The following SDK1 variants were observed in gnomAD, a reference collection of about 807,000 sequenced individuals.
The protein encoded by SDK1 is protein sidekick-1.
Under a neutral mutation model 245.5 loss-of-function variants are expected in SDK1, and 157 were observed. That is an observed-to-expected ratio of 0.64 (90% CI 0.56 to 0.73). The LOEUF (loss-of-function observed/expected upper bound fraction) is 0.73. SDK1 is among the 30% of genes least tolerant of loss of function. The probability of loss-of-function intolerance (pLI) is 0.00; values close to 1 mark genes in which losing one functional copy is unlikely to be tolerated. For missense variants in SDK1, 3,583 were observed against 3,002.3 expected, an observed-to-expected ratio of 1.19 and a Z score of -4.52; for synonymous variants, 1,647 against 1,278.5, an observed-to-expected ratio of 1.29 and a Z score of -6.15.
rs138041159 is a variant in SDK1 at position 3,712,417 on chromosome 7, C to T, written c.713+70312C>T. Among the ~76,000 whole-genome samples the T allele has an allele frequency of 3.2e-4, 48 of 152,236 alleles. 1 individual carries two copies. In the East Asian group the frequency reaches 7.5e-3, roughly 24 times the overall value. On this transcript the variant is annotated intron_variant, in intron 4 of 44. Coordinates refer to ENST00000404826, the MANE Select transcript of SDK1 (RefSeq NM_152744.4). ...AAGTTCAGAGCTTCCACTGATTCTG[C>T]GTTATGGTGAGTTGTATAACGATTT...
At chr7:4,130,139 C>A in intron 27 of SDK1, 42 bp downstream of exon 27, 1 of 1,515,000 alleles carries the variant, frequency 6.6e-7, no homozygotes, top group Non-Finnish European at 8.9e-7. Flanking sequence ...TGCTGCCTCC[C>A]AGGTTGGCCT....
chr7:4,219,447 A>G (rs188121063), intron 38 of SDK1, among the ~76,000 whole-genome samples: 3 of 152,354 alleles, frequency 2.0e-5, no homozygotes, highest in African/African-American at 7.2e-5. Flanking sequence ...AGGAGAAGCA[A>G]AGTCACATCT....
intron 4 of SDK1, among the ~76,000 whole-genome samples, chr7:3,710,784 G>A (rs1785027358): frequency 6.6e-6 from 1 of 152,176 alleles, no homozygotes; most frequent in African/African-American, 2.4e-5. Flanking sequence ...TGTATGTCTT[G>A]GAAAATTCCT....
At chr7:3,906,934 T>G (rs188836916) in intron 5 of SDK1, among the ~76,000 whole-genome samples, 1 of 152,250 alleles carries the variant, frequency 6.6e-6, no homozygotes, top group Admixed American at 6.5e-5. Context: ...CCTGCCTCTG[T>G]GTCTTTTTTG....
chr7:3,327,172 G>C (rs572584209), intron 1 of SDK1, among the ~76,000 whole-genome samples: 57 of 152,260 alleles, frequency 3.7e-4, no homozygotes, highest in African/African-American at 1.3e-3. Context: ...TTCCAGAAGA[G>C]AGTGACCAGC....
intron 43 of SDK1, 106 bp from the exon 44 acceptor site, chr7:4,245,570 T>C (rs1316976057): frequency 7.4e-7 from 1 of 1,344,294 alleles, no homozygotes; most frequent in African/African-American, 1.5e-5. Flanking sequence ...AGGCTGTGGG[T>C]TTCCTCTTAG....
intron 1 of SDK1, among the ~76,000 whole-genome samples, chr7:3,311,897 A>G (rs1006415094): frequency 2.0e-5 from 3 of 152,168 alleles, no homozygotes; most frequent in Non-Finnish European, 4.4e-5. Context: ...ATCTGAATAC[A>G]CGCCCCAATG....
chr7:3,962,774 A>G lies in SDK1; in HGVS notation c.1352A>G (p.Glu451Gly). The G allele has an allele frequency of 1.2e-6, 2 of 1,613,744 alleles. No individual in the cohort carries two copies. Among genetic ancestry groups the G allele is most frequent in the Non-Finnish European group, 1.7e-6 (2 of 1,179,868 alleles). The change falls in exon 9 of 45, where the codon GAG (glutamate) becomes GGG (glycine). Residue 451 changes from glutamate to glycine, a missense_variant. Coordinates refer to ENST00000404826, the MANE Select transcript of SDK1 (RefSeq NM_152744.4). The part of the protein sequence containing the change: ...GGLRIQKLRP[E>G]DSGIFQCFAS... Reference sequence around the variant, plus strand: ...CTGCGCATCCAGAAGCTGCGTCCAGAGGACTCCGGAATCTTCCAGTGCTTC... The same window carrying G: ...CTGCGCATCCAGAAGCTGCGTCCAGGGGACTCCGGAATCTTCCAGTGCTTC...
intron 4 of SDK1, among the ~76,000 whole-genome samples, chr7:3,768,609 A>T (rs1423813209): frequency 6.6e-6 from 1 of 152,230 alleles, no homozygotes; most frequent in Non-Finnish European, 1.5e-5. Context: ...CAGTGCCACC[A>T]GCTGACTGGA....
intron 2 of SDK1, among the ~76,000 whole-genome samples, chr7:3,623,245 CTTTTTTTT>C (rs1183056855): frequency 1.7e-5 from 2 of 117,964 alleles, no homozygotes; most frequent in African/African-American, 3.1e-5. Context: ...TGTTGTATTT[CTTTTTTTT>C]TTTTTTTTTT....
chr7:3,513,729 C>T (rs1021609180), intron 1 of SDK1, among the ~76,000 whole-genome samples: 5 of 152,126 alleles, frequency 3.3e-5, no homozygotes, highest in African/African-American at 1.2e-4. Context: ...CAGATGAGCC[C>T]ATCACCCAGG....
chr7:3,365,838 A>T, intron 1 of SDK1, among the ~76,000 whole-genome samples: 1 of 148,102 alleles, frequency 6.8e-6, no homozygotes, highest in South Asian at 2.2e-4. Flanking sequence ...GGAGTTTGAG[A>T]CCAGCCTGGC....
intron 4 of SDK1, among the ~76,000 whole-genome samples, chr7:3,750,314 A>G (rs537270587): frequency 1.3e-5 from 2 of 152,332 alleles, no homozygotes; most frequent in South Asian, 4.1e-4. Context: ...AGGAAACTAA[A>G]CCATTTAATT....
chr7:3,959,450 C>G (rs943582221), intron 8 of SDK1, among the ~76,000 whole-genome samples: 1 of 152,138 alleles, frequency 6.6e-6, no homozygotes, highest in Non-Finnish European at 1.5e-5. Context: ...GTAGTAGGTA[C>G]GTGAGGTACA....
chr7:3,711,259 A>G (rs1363632012), intron 4 of SDK1, among the ~76,000 whole-genome samples: 3 of 152,122 alleles, frequency 2.0e-5, no homozygotes, highest in Non-Finnish European at 4.4e-5. Flanking sequence ...TTAATTTTGG[A>G]GACTGTGCTA....
intron 35 of SDK1, among the ~76,000 whole-genome samples, chr7:4,198,790 C>CTTTTTCTTTCT (rs1197218640): frequency 6.7e-6 from 1 of 149,006 alleles, no homozygotes; most frequent in Non-Finnish European, 1.5e-5. Context: ...CCTCAGCTTT[C>CTTTTTCTTTCT]TTTTTCTTTC....
chr7:3,556,851 AAAG>A (rs1346572866), intron 1 of SDK1, among the ~76,000 whole-genome samples: 1 of 152,122 alleles, frequency 6.6e-6, no homozygotes, highest in Non-Finnish European at 1.5e-5. Flanking sequence ...TTTGTAACAC[AAAG>A]AAGGGATTAG....
intron 9 of SDK1, among the ~76,000 whole-genome samples, chr7:3,964,474 C>T (rs921995279): frequency 4.6e-5 from 7 of 152,006 alleles, no homozygotes; most frequent in Admixed American, 3.3e-4. Flanking sequence ...CTATTTTTTA[C>T]ATTCATTCTC....
chr7:3,581,530 A>G (rs73037672), intron 1 of SDK1, among the ~76,000 whole-genome samples: 4,269 of 152,270 alleles, frequency 0.028, 96 homozygotes, highest in South Asian at 0.082. Flanking sequence ...AAAGGGGAGC[A>G]CTTACACACC....
Sources: gnomAD v4.1 joint callset for allele counts (sites outside exome capture counted in the v4.1 genomes callset) on GRCh38, gnomAD v4.1.1 for gene constraint, MANE v1.5 for transcripts, NCBI Gene and HGNC (gene_info 2026-07-23, HGNC 2026-07-21) for gene names.